Variants in DAB1 observed in about 807,000 individuals in gnomAD.
DAB1 encodes the protein disabled homolog 1.
In DAB1, 15 loss-of-function variants were observed where a neutral mutation model predicts 64.6. The observed-to-expected ratio is 0.23, with a 90% CI of 0.16 to 0.36. The LOEUF is 0.36. Ranked by LOEUF, DAB1 falls within the 10% of genes least tolerant of loss-of-function variation. DAB1 has a pLI of 1.00. For missense variants in DAB1, 596 were observed against 706.7 expected (o/e 0.84, Z 1.78); for synonymous variants, 235 against 251.9 (o/e 0.93, Z 0.64).
chr1:58,546,258 C>T (rs1320089578), intron 1 of DAB1, among the ~76,000 whole-genome samples: 1 of 152,232 alleles, frequency 6.6e-6, no homozygotes, highest in Non-Finnish European at 1.5e-5. Flanking sequence ...GACGAATGCC[C>T]GACGCGCCGG....
chr1:58,515,040 CATT>C (rs540700835), intron 2 of DAB1, among the ~76,000 whole-genome samples: 160 of 152,310 alleles, frequency 1.1e-3, no homozygotes, highest in African/African-American at 3.7e-3. Flanking sequence ...CTACAATCAT[CATT>C]GTCATCATCT....
At chr1:57,280,219 A>T (rs1272992145) in intron 2 of DAB1, among the ~76,000 whole-genome samples, 1 of 152,202 alleles carries the variant, frequency 6.6e-6, no homozygotes, top group Non-Finnish European at 1.5e-5. Context: ...ACATGGACAC[A>T]AGGACACATG....
chr1:58,265,956 T>A (rs1465250205), intron 4 of DAB1, among the ~76,000 whole-genome samples: 6 of 152,094 alleles, frequency 3.9e-5, no homozygotes, highest in African/African-American at 7.2e-5. Flanking sequence ...AAATACTAAG[T>A]TTGACACTGG....
intron 4 of DAB1, among the ~76,000 whole-genome samples, chr1:58,308,806 T>A (rs921673301): frequency 1.2e-4 from 19 of 152,204 alleles, no homozygotes; most frequent in African/African-American, 3.9e-4. Flanking sequence ...AACAGCCTCC[T>A]TTACTACCTA....
intron 4 of DAB1, among the ~76,000 whole-genome samples, chr1:58,292,993 C>A (rs1372048513): frequency 1.3e-5 from 2 of 151,996 alleles, no homozygotes; most frequent in Non-Finnish European, 2.9e-5. Flanking sequence ...TGAGACCCAA[C>A]TGAGGTGAAA....
chr1:58,147,983 G>GAAAAAAAAAAAAAA (rs58099365), intron 5 of DAB1, among the ~76,000 whole-genome samples: 1 of 113,554 alleles, frequency 8.8e-6, no homozygotes. Flanking sequence ...TATAGCTGGA[G>GAAAAAAAAAAAAAA]AAAAAAAAAA....
chr1:57,967,423 A>G (rs1167680313), intron 5 of DAB1, among the ~76,000 whole-genome samples: 2 of 152,186 alleles, frequency 1.3e-5, no homozygotes, highest in Non-Finnish European at 2.9e-5. Context: ...TCATCATAAT[A>G]CACAGGAGTA....
intron 7 of DAB1, among the ~76,000 whole-genome samples, chr1:57,561,829 A>G (rs775434023): frequency 1.2e-4 from 19 of 152,172 alleles, no homozygotes; most frequent in Non-Finnish European, 2.4e-4. Flanking sequence ...AGCCCTCGAT[A>G]TGGCACCATT....
intron 4 of DAB1, among the ~76,000 whole-genome samples, chr1:58,192,966 T>C (rs957655285): frequency 6.6e-6 from 1 of 152,168 alleles, no homozygotes; most frequent in Non-Finnish European, 1.5e-5. Context: ...GGATGGTAAA[T>C]TTTGTGTTAT....
chr1:57,897,104 A>G (rs1045279206), intron 5 of DAB1, among the ~76,000 whole-genome samples: 1 of 152,160 alleles, frequency 6.6e-6, no homozygotes, highest in Non-Finnish European at 1.5e-5. Flanking sequence ...TAAAAAAAGT[A>G]TTGTTCTATT....
At chr1:58,435,022 A>T (rs1318803571) in intron 3 of DAB1, among the ~76,000 whole-genome samples, 2 of 152,196 alleles carry the variant, frequency 1.3e-5, no homozygotes, top group African/African-American at 4.8e-5. Flanking sequence ...TCCAGAATGT[A>T]GGAAATAGCA....
intron 7 of DAB1, among the ~76,000 whole-genome samples, chr1:57,575,631 C>G (rs1456990490): frequency 6.6e-6 from 1 of 152,144 alleles, no homozygotes; most frequent in East Asian, 1.9e-4. Flanking sequence ...AAAAACAGAG[C>G]TTCAGAGAGG....
chr1:57,504,127 A>T (rs1644318584), intron 7 of DAB1, among the ~76,000 whole-genome samples: 1 of 152,228 alleles, frequency 6.6e-6, no homozygotes, highest in Non-Finnish European at 1.5e-5. Flanking sequence ...GCTTACTGTG[A>T]GACATCAAAT....
chr1:57,181,959 T>C (rs554796399), intron 2 of DAB1, among the ~76,000 whole-genome samples: 21 of 152,268 alleles, frequency 1.4e-4, no homozygotes, highest in Non-Finnish European at 2.6e-4. Flanking sequence ...CATCTCGGCT[T>C]ACTGCAACCT....
chr1:57,012,149 G>A (rs960541964), intron 12 of DAB1, among the ~76,000 whole-genome samples: 1 of 152,142 alleles, frequency 6.6e-6, no homozygotes, highest in African/African-American at 2.4e-5. Flanking sequence ...TGAGAGGGTG[G>A]CATGACTTCA....
intron 4 of DAB1, among the ~76,000 whole-genome samples, chr1:57,075,635 C>T (rs780803210): frequency 3.9e-5 from 6 of 152,170 alleles, no homozygotes; most frequent in Non-Finnish European, 7.3e-5. Context: ...GTTCACTGAG[C>T]CTCAAGATTG....
intron 5 of DAB1, among the ~76,000 whole-genome samples, chr1:57,945,065 G>T (rs936504347): frequency 2.6e-5 from 4 of 152,084 alleles, no homozygotes; most frequent in Non-Finnish European, 4.4e-5. Context: ...TGAATGTGTT[G>T]GTCCCTCCCA....
chr1:57,294,932 C>T (rs642526), intron 1 of DAB1, among the ~76,000 whole-genome samples: 58,086 of 152,040 alleles, frequency 0.38, 11,693 homozygotes, highest in Admixed American at 0.56. Context: ...CACACTGCAA[C>T]GTGGATGAAC....
chr1:57,216,250 A>G (rs999723673), intron 2 of DAB1, among the ~76,000 whole-genome samples: 3 of 151,920 alleles, frequency 2.0e-5, no homozygotes, highest in African/African-American at 7.3e-5. Context: ...CTCCTTACCT[A>G]TAAGGTGGAG....
Sources: allele counts gnomAD v4.1 joint callset (sites outside exome capture counted in the v4.1 genomes callset), GRCh38; gene constraint gnomAD v4.1.1; transcripts MANE v1.5; gene names NCBI Gene and HGNC (gene_info 2026-07-23, HGNC 2026-07-21).